Variants in POLR1B observed in about 807,000 individuals in gnomAD.
POLR1B encodes the protein RNA polymerase I subunit B, also known as DNA-directed RNA polymerase I subunit RPA2.
In POLR1B, 30 loss-of-function variants were observed where a neutral mutation model predicts 105.8. The observed-to-expected ratio is 0.28, with a 90% CI of 0.21 to 0.38. POLR1B has a LOEUF of 0.38. Among genes scored for constraint, POLR1B ranks in the 10% least tolerant of loss-of-function variants. The pLI, the probability that POLR1B is intolerant of heterozygous loss-of-function variation, is 1.00. For missense variants in POLR1B, 976 were observed against 1,435.8 expected, an observed-to-expected ratio of 0.68 and a Z score of 5.17; for synonymous variants, 485 against 505.1, an observed-to-expected ratio of 0.96 and a Z score of 0.53.
At position 112,550,937 on chromosome 2, in the gene POLR1B, A is replaced by G; in HGVS notation, c.697A>G (p.Thr233Ala). The stretch of plus-strand genomic sequence containing the variant: ...GAACCTCCACTACTTGGAAAATGGC[A>G]CTGTTATGTTGAACTTTATTTACCG... ...NMNLHYLENG[T>A]VMLNFIYRKE... Residue 233 changes from threonine to alanine, a missense_variant, in exon 5 of 15, where the codon ACT becomes GCT. Physicochemically the swap from Thr to Ala is moderately conservative, Grantham distance 58. Transcript: ENST00000263331. The G allele has an allele frequency of 6.2e-7, 1 of 1,613,602 alleles. No homozygotes were observed. Among genetic ancestry groups the G allele is most frequent in the Non-Finnish European group, 8.5e-7 (1 of 1,179,514 alleles).
chr2:112,557,965 A>G lies in POLR1B; in HGVS notation c.1214A>G (p.Gln405Arg). ...AAAATAGCTTTTGATAAGAAGGCTC[A>G]GAAGACCAGTGTTTCCATGAACACT... ...SIKIAFDKKA[Q>R]KTSVSMNTDN... Residue 405 changes from glutamine to arginine, a missense_variant, in exon 8 of 15, where the codon CAG (glutamine) becomes CGG (arginine). Around this residue, in one of 12 missense-constraint regions of POLR1B, gnomAD observed 452 missense variants for 616.5 expected, o/e 0.73. Coordinates refer to ENST00000263331, the MANE Select transcript of POLR1B (RefSeq NM_019014.6). The G allele has an allele frequency of 7.1e-7, 1 of 1,416,374 alleles. No individual in the cohort carries two copies. The highest frequency in any genetic ancestry group is 9.3e-7 in the Non-Finnish European group (1 of 1,071,664). The allele number at this position is 1,416,374 out of a possible 1,614,324, so 87.7% of individuals were successfully genotyped here.
At chr2:112,542,285 G>C, upstream of POLR1B, 2 of 1,528,922 alleles carry the variant, frequency 1.3e-6, no homozygotes, top group Non-Finnish European at 8.8e-7. Context: ...GGCTGGACAC[G>C]GCCTTAATCG....
chr2:112,563,017 CTG>C (rs1257109926), intron 9 of POLR1B, among the ~76,000 whole-genome samples: 1 of 149,590 alleles, frequency 6.7e-6, no homozygotes, highest in African/African-American at 2.5e-5. Context: ...GTGTGAGTGA[CTG>C]CACCCGGCCA....
At chr2:112,570,148 A>G (rs1684519734) in intron 12 of POLR1B, among the ~76,000 whole-genome samples, 1 of 151,292 alleles carries the variant, frequency 6.6e-6, no homozygotes, top group Non-Finnish European at 1.5e-5. Context: ...TCCCATGTTC[A>G]ATAAATTCTC....
chr2:112,555,595 T>C (rs1683619737), intron 7 of POLR1B, among the ~76,000 whole-genome samples: 1 of 152,154 alleles, frequency 6.6e-6, no homozygotes. Flanking sequence ...GAGGATGCAG[T>C]GTGCTGTGAT....
Position 112,552,736 on chromosome 2 carries a change from G to C in POLR1B, c.1078G>C (p.Glu360Gln). 3 of 1,612,514 alleles carry C rather than the reference G, an allele frequency of 1.9e-6. No individual in the cohort carries two copies. The highest frequency in any genetic ancestry group is 2.5e-6 in the Non-Finnish European group (3 of 1,179,402). The change falls in exon 7 of 15, where the codon GAG (glutamate) becomes CAG (glutamine). Residue 360 changes from glutamate (E) to glutamine (Q), a missense_variant. By Grantham distance (29) the Glu-to-Gln change is conservative. This residue lies in a region of POLR1B where 452 missense variants were observed against 616.5 expected (regional missense o/e 0.73). Transcript: ENST00000263331. ...TRKLFALAKG[E>Q]CMEDNPDSLV... is the part of the protein sequence containing the mutation. ...AAAGCTCTTTGCTTTAGCCAAAGGA[G>C]AGTGCATGGAGGACAATCCTGATAG...
At chr2:112,542,207 G>C, upstream of POLR1B, 28 of 1,535,686 alleles carry the variant, frequency 1.8e-5, no homozygotes, top group Non-Finnish European at 2.4e-5. Flanking sequence ...TTCCACCTGC[G>C]GCATCTTTCG....
rs764799865 is a variant in POLR1B, at chr2:112,559,405, G to A, written c.1443G>A (p.Met481Ile). The A allele has an allele frequency of 1.3e-5, 21 of 1,614,106 alleles. No individual in the cohort carries two copies. In the African/African-American group the frequency reaches 2.7e-4, roughly 21 times the overall value. ...ACAGAGGGGCTGATTTTGCCAAGATGAGGACCACCACAGTACGCAGGCTGC... is the reference window on the plus strand; with the variant it reads ...ACAGAGGGGCTGATTTTGCCAAGATAAGGACCACCACAGTACGCAGGCTGC... Reference protein sequence around the residue: ...CVHRGADFAKMRTTTVRRLLP... With the variant: ...CVHRGADFAKIRTTTVRRLLP... The change falls in exon 9 of 15, where the codon ATG (methionine) becomes ATA (isoleucine). Residue 481 changes from methionine (M) to isoleucine (I), a missense_variant. This residue lies in a region of POLR1B where 452 missense variants were observed against 616.5 expected (regional missense o/e 0.73). Coordinates refer to ENST00000263331, the MANE Select transcript of POLR1B (RefSeq NM_019014.6).
intron 2 of POLR1B, 95 bp from the exon 3 acceptor site, chr2:112,547,326 T>C: frequency 6.7e-7 from 1 of 1,491,646 alleles, no homozygotes; most frequent in African/African-American, 1.4e-5. Context: ...TAAAATAATT[T>C]AATTGATCTT....
intron 4 of POLR1B, chr2:112,550,644 A>G (rs975442977): frequency 1.1e-5 from 6 of 558,262 alleles, no homozygotes; most frequent in African/African-American, 7.5e-5. Flanking sequence ...GCTTAAATTC[A>G]TAGTTTCGGT....
intron 1 of POLR1B, 88 bp from the exon 2 acceptor site, chr2:112,546,924 G>A: frequency 3.6e-6 from 5 of 1,406,456 alleles, no homozygotes; most frequent in Admixed American, 1.9e-5. Context: ...AGGCATCAAT[G>A]TTTGTAGAAC....
intron 1 of POLR1B, 152 bp downstream of exon 1, chr2:112,542,823 C>G (rs1682833118): frequency 1.1e-6 from 1 of 892,544 alleles, no homozygotes. Context: ...AAACAGGACG[C>G]GGTACTGGCC....
chr2:112,555,025 A>G (rs944851062), intron 7 of POLR1B, among the ~76,000 whole-genome samples: 2 of 152,224 alleles, frequency 1.3e-5, no homozygotes, highest in African/African-American at 4.8e-5. Flanking sequence ...TACAAAAAAT[A>G]TAAAAATTAG....
chr2:112,551,331 C>T (rs1051383532), intron 5 of POLR1B, among the ~76,000 whole-genome samples: 22 of 152,174 alleles, frequency 1.4e-4, no homozygotes, highest in Non-Finnish European at 2.6e-4. Flanking sequence ...TGGTTGGTGG[C>T]AGGAGGTCTC....
chr2:112,562,287 A>G (rs1684028142), intron 9 of POLR1B, among the ~76,000 whole-genome samples: 1 of 152,146 alleles, frequency 6.6e-6, no homozygotes, highest in Non-Finnish European at 1.5e-5. Flanking sequence ...TTTGGGGGTT[A>G]ATGCATTTAA....
intron 4 of POLR1B, 90 bp from the exon 5 acceptor site, chr2:112,550,776 T>C (rs1683325100): frequency 7.3e-7 from 1 of 1,370,444 alleles, no homozygotes; most frequent in Non-Finnish European, 1.0e-6. Flanking sequence ...TTTAATTGTG[T>C]CTAAGAGGTT....
At chr2:112,547,204 C>T (rs754163136) in intron 2 of POLR1B, 25 bp downstream of exon 2, 1 of 1,612,114 alleles carries the variant, frequency 6.2e-7, no homozygotes, top group Non-Finnish European at 8.5e-7. Flanking sequence ...TACTGTGTGA[C>T]TCTCAACACT....
rs778322728 is a variant in POLR1B at position 112,567,997 on chromosome 2, A to C, written c.1777A>C (p.Met593Leu). 2 of 1,613,996 alleles carry C rather than the reference A, an allele frequency of 1.2e-6. No individual in the cohort carries two copies. The highest frequency in any genetic ancestry group is 1.7e-6 in the Non-Finnish European group (2 of 1,179,964). Reference sequence around the variant, plus strand: ...GAGAGAGAAAAGAATTCCTCCCTGGATGGAAGTGGTCCTTATACCCATGAC... The same window carrying C: ...GAGAGAGAAAAGAATTCCTCCCTGGCTGGAAGTGGTCCTTATACCCATGAC... ...VLREKRIPPW[M>L]EVVLIPMTGK... Residue 593 changes from methionine to leucine, a missense_variant, in exon 11 of 15, where the codon ATG becomes CTG. By Grantham distance (15) the Met-to-Leu change is conservative. Transcript: ENST00000263331.
At chr2:112,550,834 G>A in intron 4 of POLR1B, 32 bp from the exon 5 acceptor site, 1 of 1,608,668 alleles carries the variant, frequency 6.2e-7, no homozygotes, top group Non-Finnish European at 8.5e-7. Context: ...ATATCAATGA[G>A]TTTCTGATTT....
Sources: gnomAD v4.1 joint callset for allele counts (sites outside exome capture counted in the v4.1 genomes callset) on GRCh38, gnomAD v4.1.1 for gene constraint, gnomAD v4.1.1 regional missense constraint, MANE v1.5 for transcripts, NCBI Gene and HGNC (gene_info 2026-07-23, HGNC 2026-07-21) for gene names.